FBXO25: variants seen among roughly 807,000 people sequenced by gnomAD.
FBXO25 encodes F-box protein 25.
In FBXO25, 45 loss-of-function variants were observed where a neutral mutation model predicts 51.9. The observed-to-expected ratio is 0.87, with a 90% CI of 0.68 to 1.11. The LOEUF (loss-of-function observed/expected upper bound fraction) is 1.11. Among genes scored for constraint, FBXO25 ranks in the 50% most tolerant of loss-of-function variants. The pLI is 0.00. For synonymous variants in FBXO25, 199 were observed against 151.0 expected (o/e 1.32, Z -2.33); for missense variants, 507 against 428.5 (o/e 1.18, Z -1.62).
At chr8:408,438 T>TC (rs1796296413) in intron 1 of FBXO25, among the ~76,000 whole-genome samples, 1 of 152,212 alleles carries the variant, frequency 6.6e-6, no homozygotes, top group South Asian at 2.1e-4. Context: ...GGAGTGAGAC[T>TC]CCATCATTTT....
intron 2 of FBXO25, 22 bp from the exon 3 acceptor site, chr8:431,319 A>G: frequency 7.9e-7 from 1 of 1,262,318 alleles, no homozygotes; most frequent in Admixed American, 2.5e-5. Flanking sequence ...AAATATTTTA[A>G]TAGAATGTGT....
intron 5 of FBXO25, among the ~76,000 whole-genome samples, chr8:446,700 C>G (rs987565218): frequency 6.6e-6 from 1 of 152,204 alleles, no homozygotes; most frequent in Non-Finnish European, 1.5e-5. Flanking sequence ...GTCTTCTCAG[C>G]TTTGCTTGGC....
At chr8:456,072 G>C (rs1188255346) in intron 7 of FBXO25, among the ~76,000 whole-genome samples, 2 of 152,180 alleles carry the variant, frequency 1.3e-5, no homozygotes, top group African/African-American at 4.8e-5. Context: ...TTTAGCAGCA[G>C]AATATTTGTA....
intron 9 of FBXO25, chr8:467,756 T>C: frequency 6.2e-7 from 1 of 1,613,984 alleles, no homozygotes; most frequent in African/African-American, 1.3e-5. Flanking sequence ...GGTACTTCCC[T>C]GTCTTGCCAC....
At chr8:438,073 TA>T (rs530119692) in intron 5 of FBXO25, among the ~76,000 whole-genome samples, 34 of 151,418 alleles carry the variant, frequency 2.2e-4, no homozygotes, top group Admixed American at 3.3e-4. Context: ...TTTTTTTTTT[TA>T]GATGGAGTCT....
At chr8:457,788 A>C (rs943534907) in intron 7 of FBXO25, among the ~76,000 whole-genome samples, 1 of 152,226 alleles carries the variant, frequency 6.6e-6, no homozygotes, top group Non-Finnish European at 1.5e-5. Context: ...CATGCTGCCA[A>C]TGTAGACAGA....
rs573812073 is a variant in FBXO25 at position 477,308 on chromosome 8, G to A, written c.*8504G>A. On this transcript the variant is annotated 3_prime_UTR_variant, in exon 10 of 10. Transcript: ENST00000350302. ...TGATGCTGTTCAAGTTCTGTCTTGC[G>A]ACTGATCTTCTGTCTGGTTGTCCTA... is the stretch of plus-strand genomic sequence containing the variant. 5 of 152,168 alleles carry A rather than the reference G, an allele frequency of 3.3e-5. No homozygotes were observed. The highest frequency in any genetic ancestry group is 2.1e-4 in the South Asian group (1 of 4,830). 9.4% of individuals were successfully genotyped at this position (152,168 alleles called of 1,614,324 possible).
At chr8:461,998 C>T (rs1021769872) in intron 8 of FBXO25, among the ~76,000 whole-genome samples, 1 of 152,048 alleles carries the variant, frequency 6.6e-6, no homozygotes, top group Non-Finnish European at 1.5e-5. Flanking sequence ...GTTTTCATTT[C>T]TCTTGGTTAT....
At chr8:426,771 C>T in intron 2 of FBXO25, among the ~76,000 whole-genome samples, 1 of 144,478 alleles carries the variant, frequency 6.9e-6, no homozygotes, top group Non-Finnish European at 1.6e-5. Flanking sequence ...GTTGCTTCTC[C>T]CTGCGGAGTG....
intron 5 of FBXO25, among the ~76,000 whole-genome samples, chr8:439,833 T>C (rs1404261754): frequency 1.3e-5 from 2 of 152,152 alleles, no homozygotes; most frequent in South Asian, 2.1e-4. Context: ...TTTGGGAGGC[T>C]GAGGCAGGAG....
At chr8:416,818 A>G (rs1269317688) in intron 2 of FBXO25, among the ~76,000 whole-genome samples, 1 of 152,218 alleles carries the variant, frequency 6.6e-6, no homozygotes, top group Admixed American at 6.5e-5. Context: ...ATGAAAACCC[A>G]TTTCTGATGG....
intron 2 of FBXO25, among the ~76,000 whole-genome samples, chr8:419,146 G>A (rs1796998292): frequency 6.6e-6 from 1 of 152,092 alleles, no homozygotes; most frequent in South Asian, 2.1e-4. Context: ...GATCACCTGA[G>A]GTCAGGAGTT....
chr8:439,457 AT>A (rs1798294724), intron 5 of FBXO25, among the ~76,000 whole-genome samples: 1 of 152,186 alleles, frequency 6.6e-6, no homozygotes, highest in Admixed American at 6.5e-5. Flanking sequence ...TATATATCTA[AT>A]TTTGGTTATT....
intron 2 of FBXO25, among the ~76,000 whole-genome samples, chr8:415,306 A>T (rs1203408094): frequency 6.6e-6 from 1 of 152,224 alleles, no homozygotes; most frequent in Admixed American, 6.5e-5. Flanking sequence ...TCATTTTAGT[A>T]TTCAAAGTTT....
chr8:437,195 C>T (rs1219812887), intron 5 of FBXO25, among the ~76,000 whole-genome samples: 1 of 152,184 alleles, frequency 6.6e-6, no homozygotes, highest in Non-Finnish European at 1.5e-5. Context: ...GGTAAATTTT[C>T]TGTCGGTCAT....
intron 8 of FBXO25, among the ~76,000 whole-genome samples, chr8:459,112 C>T (rs892105588): frequency 2.6e-5 from 4 of 152,242 alleles, no homozygotes; most frequent in African/African-American, 4.8e-5. Flanking sequence ...ACCCTGTGGT[C>T]CCTGTTCCTG....
At chr8:436,811 A>G (rs1445111762) in intron 5 of FBXO25, among the ~76,000 whole-genome samples, 1 of 152,178 alleles carries the variant, frequency 6.6e-6, no homozygotes, top group African/African-American at 2.4e-5. Flanking sequence ...GACCATACTG[A>G]GTTGCTTTAT....
chr8:447,905 C>A (rs891993643), intron 5 of FBXO25, among the ~76,000 whole-genome samples: 4 of 151,942 alleles, frequency 2.6e-5, no homozygotes, highest in African/African-American at 9.7e-5. Flanking sequence ...CAGCAGGAGA[C>A]AAAGTCAAGT....
chr8:442,450 G>A (rs762971809), intron 5 of FBXO25, among the ~76,000 whole-genome samples: 13 of 152,016 alleles, frequency 8.6e-5, no homozygotes, highest in Non-Finnish European at 1.6e-4. Flanking sequence ...AGAAGCAGAG[G>A]AAGTTATTTC....
Sources: allele counts gnomAD v4.1 joint callset (sites outside exome capture counted in the v4.1 genomes callset), GRCh38; gene constraint gnomAD v4.1.1; transcripts MANE v1.5; gene names NCBI Gene and HGNC (gene_info 2026-07-23, HGNC 2026-07-21).